The following PLD1 variants were observed in gnomAD, a reference collection of about 807,000 sequenced individuals.
The protein encoded by PLD1 is phospholipase D1.
PLD1 carries 112 observed loss-of-function variants against 137.1 expected under a neutral mutation model. The observed-to-expected ratio is 0.82, with a 90% CI of 0.70 to 0.96. The LOEUF is 0.96. Ranked by LOEUF, PLD1 falls within the 40% of genes least tolerant of loss-of-function variation. PLD1 has a pLI of 0.00. For synonymous variants in PLD1, 431 were observed against 454.7 expected, an observed-to-expected ratio of 0.95 and a Z score of 0.66; for missense variants, 1,321 against 1,342.0, an observed-to-expected ratio of 0.98 and a Z score of 0.24.
At chr3:171,623,312 A>ATT (rs760981558) in intron 23 of PLD1, among the ~76,000 whole-genome samples, 2,159 of 138,952 alleles carry the variant, frequency 0.016, 127 homozygotes, top group African/African-American at 0.057. Flanking sequence ...GCCCTATCAG[A>ATT]CTTTTTTTTT....
intron 1 of PLD1, among the ~76,000 whole-genome samples, chr3:171,746,936 G>A (rs1181328429): frequency 1.3e-5 from 2 of 152,178 alleles, no homozygotes; most frequent in African/African-American, 2.4e-5. Context: ...TGCTGTTTAG[G>A]CTTTGGGTCT....
chr3:171,723,597 T>C (rs1718297325), intron 8 of PLD1, among the ~76,000 whole-genome samples: 1 of 152,178 alleles, frequency 6.6e-6, no homozygotes, highest in Admixed American at 6.5e-5. Flanking sequence ...CAACAGTGTA[T>C]GAGGGTTCCC....
chr3:171,662,675 G>A (rs1161133414), intron 19 of PLD1, among the ~76,000 whole-genome samples: 1 of 152,144 alleles, frequency 6.6e-6, no homozygotes, highest in Non-Finnish European at 1.5e-5. Flanking sequence ...ACTTAACAAT[G>A]TGATTATTCC....
intron 6 of PLD1, among the ~76,000 whole-genome samples, chr3:171,730,658 T>TTTTTTTTTTTTTG (rs1718869192): frequency 6.6e-6 from 1 of 151,660 alleles, no homozygotes. Flanking sequence ...TTTTTTTTTT[T>TTTTTTTTTTTTTG]GGCAGAGTCT....
At chr3:171,625,558 T>C (rs1204237611) in intron 23 of PLD1, among the ~76,000 whole-genome samples, 1 of 152,104 alleles carries the variant, frequency 6.6e-6, no homozygotes, top group Non-Finnish European at 1.5e-5. Flanking sequence ...CTCAAGTGGG[T>C]CCCTGACCCC....
At chr3:171,725,699 AG>A (rs1250479756) in intron 7 of PLD1, among the ~76,000 whole-genome samples, 1 of 152,262 alleles carries the variant, frequency 6.6e-6, no homozygotes, top group African/African-American at 2.4e-5. Flanking sequence ...GGATTGTAAA[AG>A]GAGATCTTAT....
chr3:171,673,518 G>A (rs760117224), intron 19 of PLD1, among the ~76,000 whole-genome samples: 4 of 152,022 alleles, frequency 2.6e-5, no homozygotes, highest in African/African-American at 9.7e-5. Context: ...TGATCCACCC[G>A]CCTCGGCCTC....
At chr3:171,645,364 C>T (rs1354593618) in intron 21 of PLD1, among the ~76,000 whole-genome samples, 2 of 152,006 alleles carry the variant, frequency 1.3e-5, no homozygotes, top group African/African-American at 4.8e-5. Context: ...GAGGCTATAA[C>T]AAAGTTTTGG....
At chr3:171,688,607 T>C (rs952742300) in intron 14 of PLD1, 69 bp downstream of exon 14, 1 of 1,158,262 alleles carries the variant, frequency 8.6e-7, no homozygotes, top group Non-Finnish European at 1.3e-6. Flanking sequence ...CAATCAGTCA[T>C]GCTACTAATA....
At chr3:171,699,200 T>C (rs73041813) in intron 12 of PLD1, among the ~76,000 whole-genome samples, 4 of 152,104 alleles carry the variant, frequency 2.6e-5, no homozygotes, top group Non-Finnish European at 5.9e-5. Context: ...AAAGCACACA[T>C]TCAATGTTCA....
At chr3:171,760,722 C>CTGA (rs1721334934) in intron 1 of PLD1, among the ~76,000 whole-genome samples, 1 of 152,162 alleles carries the variant, frequency 6.6e-6, no homozygotes, top group South Asian at 2.1e-4. Context: ...ACTCACCAGC[C>CTGA]TGAGTCAGCC....
intron 3 of PLD1, 93 bp downstream of exon 3, chr3:171,737,439 T>C: frequency 3.7e-6 from 4 of 1,080,202 alleles, no homozygotes; most frequent in Non-Finnish European, 5.2e-6. Flanking sequence ...CCTACAAACA[T>C]GATCATAGCT....
intron 1 of PLD1, among the ~76,000 whole-genome samples, chr3:171,754,865 C>T (rs561830998): frequency 1.3e-5 from 2 of 152,144 alleles, no homozygotes; most frequent in African/African-American, 2.4e-5. Flanking sequence ...CAGGAAATCT[C>T]CATCCTATCT....
At chr3:171,741,807 G>T (rs1006421275) in intron 1 of PLD1, among the ~76,000 whole-genome samples, 3 of 152,118 alleles carry the variant, frequency 2.0e-5, no homozygotes, top group African/African-American at 4.8e-5. Flanking sequence ...ACAAGATTGG[G>T]AAGTAGAACA....
intron 23 of PLD1, among the ~76,000 whole-genome samples, chr3:171,640,608 C>T (rs1441331514): frequency 6.6e-6 from 1 of 152,202 alleles, no homozygotes; most frequent in Non-Finnish European, 1.5e-5. Flanking sequence ...GTGAGGGCCA[C>T]AGGCCTTACA....
At chr3:171,673,636 C>A (rs1465292196) in intron 19 of PLD1, among the ~76,000 whole-genome samples, 1 of 152,112 alleles carries the variant, frequency 6.6e-6, no homozygotes, top group African/African-American at 2.4e-5. Context: ...TATACACATA[C>A]CTCCAATTGC....
intron 23 of PLD1, among the ~76,000 whole-genome samples, chr3:171,638,088 G>A (rs1364006377): frequency 6.6e-6 from 1 of 151,800 alleles, no homozygotes; most frequent in African/African-American, 2.4e-5. Flanking sequence ...GGGAGGCTGA[G>A]GCAGGAGAAT....
At chr3:171,764,926 A>AAGG (rs1287966847) in intron 1 of PLD1, among the ~76,000 whole-genome samples, 229 of 17,286 alleles carry the variant, frequency 0.013, 37 homozygotes, top group Admixed American at 0.11. Context: ...GAAAGAAAGG[A>AAGG]AAGAAAGGAA....
intron 1 of PLD1, among the ~76,000 whole-genome samples, chr3:171,753,515 G>C (rs897120786): frequency 6.6e-6 from 1 of 152,182 alleles, no homozygotes; most frequent in Non-Finnish European, 1.5e-5. Context: ...CCTTCTATGT[G>C]CTGAGCACCA....
Sources: gnomAD v4.1 joint callset for allele counts (sites outside exome capture counted in the v4.1 genomes callset) on GRCh38, gnomAD v4.1.1 for gene constraint, MANE v1.5 for transcripts, NCBI Gene and HGNC (gene_info 2026-07-23, HGNC 2026-07-21) for gene names.